The following ADGRG1 variants were observed in gnomAD, a reference collection of about 807,000 sequenced individuals.
ADGRG1 encodes the protein 7-transmembrane protein with no EGF-like N-terminal domains-1.
A neutral mutation model predicts 73.5 loss-of-function variants in ADGRG1; 53 were observed. The observed-to-expected ratio is 0.72, with a 90% CI of 0.58 to 0.91. The LOEUF is 0.91. Among genes scored for constraint, ADGRG1 ranks in the 40% least tolerant of loss-of-function variants. The pLI, the probability that ADGRG1 is intolerant of heterozygous loss-of-function variation, is 0.00. For missense variants in ADGRG1, 795 were observed against 871.8 expected, an observed-to-expected ratio of 0.91 and a Z score of 1.11; for synonymous variants, 394 against 374.4, an observed-to-expected ratio of 1.05 and a Z score of -0.60.
At chr16:57,629,932 A>G in intron 1 of ADGRG1, 7 of 819,236 alleles carry the variant, frequency 8.5e-6, no homozygotes, top group Non-Finnish European at 1.0e-5. Flanking sequence ...CTGCGTAGGG[A>G]GGAGGGGATG....
At chr16:57,650,970 A>G (rs1019589339) in intron 2 of ADGRG1, 5 of 649,594 alleles carry the variant, frequency 7.7e-6, no homozygotes, top group Non-Finnish European at 9.6e-6. Flanking sequence ...AGCCTCCCAA[A>G]GTGCTGGGAT....
upstream of ADGRG1, among the ~76,000 whole-genome samples, chr16:57,624,565 G>C (rs1308221377): frequency 7.2e-5 from 11 of 152,158 alleles, no homozygotes; most frequent in Admixed American, 1.3e-4. Context: ...GCACAGGTGG[G>C]GACAGCTCTT....
intron 1 of ADGRG1, chr16:57,633,665 G>C (rs11645880): frequency 4.2e-6 from 1 of 238,378 alleles, no homozygotes; most frequent in Non-Finnish European, 6.8e-6. Context: ...GCTGGTAATG[G>C]CATCCTGAGA....
intron 1 of ADGRG1, chr16:57,637,732 G>A (rs1225903114): frequency 1.2e-5 from 12 of 983,516 alleles, no homozygotes; most frequent in African/African-American, 1.7e-5. Flanking sequence ...TCTGCTCCAC[G>A]GAGGGGCGGG....
Position 57,631,745 on chromosome 16 carries a change from C to T in ADGRG1, c.-36+2943C>T, listed in dbSNP as rs372056063. 2.1e-4 allele frequency: 210 copies of T among 985,508 alleles called. 2 individuals are homozygous for T. The African/African-American group carries it at 2.9e-3, about 13-fold the overall frequency. The allele number at this position is 985,508 out of a possible 1,614,324, so 61.0% of individuals were successfully genotyped here. On this transcript the variant is annotated intron_variant, in intron 1 of 13. Coordinates refer to ENST00000562631, the MANE Select transcript of ADGRG1 (RefSeq NM_201525.4). ...CAAACCGGGTGGGGCGGGGCTGTGGCACGGCCTCAGCCTCCCAGGCCTCCT... is the reference window on the plus strand; with the variant it reads ...CAAACCGGGTGGGGCGGGGCTGTGGTACGGCCTCAGCCTCCCAGGCCTCCT...
At chr16:57,662,999 T>G in intron 13 of ADGRG1, 1 of 985,068 alleles carries the variant, frequency 1.0e-6, no homozygotes, top group Non-Finnish European at 1.2e-6. Context: ...GCCTGTGAGA[T>G]GAGGGGACTC....
intron 1 of ADGRG1, chr16:57,644,251 T>G: frequency 1.1e-6 from 1 of 895,996 alleles, no homozygotes; most frequent in Non-Finnish European, 1.3e-6. Flanking sequence ...TGCACACACA[T>G]GCACAGTCAT....
At chr16:57,641,574 T>TG (rs1423467265) in intron 1 of ADGRG1, 1 of 984,230 alleles carries the variant, frequency 1.0e-6, no homozygotes, top group Non-Finnish European at 1.2e-6. Context: ...CCTTTTTTTT[T>TG]TTTTTTTTTG....
In ADGRG1 at chr16:57,651,514, G is replaced by A. The variant is rs772434596; in HGVS notation, c.379G>A (p.Glu127Lys). The change falls in exon 3 of 14, where the codon GAG (glutamate) becomes AAG (lysine). Residue 127 changes from glutamate to lysine, a missense_variant. By Grantham distance (56) the Glu-to-Lys change is moderately conservative. Coordinates refer to ENST00000562631, the MANE Select transcript of ADGRG1 (RefSeq NM_201525.4). ...SSLLCFQHQE[E>K]SLAQGPPLLA... Reference sequence around the variant, plus strand: ...CCTCCTCTGCTTCCAGCACCAGGAGGAGAGCCTGGCTCAGGGCCCCCCGCT... The same window carrying A: ...CCTCCTCTGCTTCCAGCACCAGGAGAAGAGCCTGGCTCAGGGCCCCCCGCT... The A allele has an allele frequency of 6.2e-7, 1 of 1,614,096 alleles. No individual in the cohort carries two copies. Among genetic ancestry groups the A allele is most frequent in the Non-Finnish European group, 8.5e-7 (1 of 1,180,044 alleles).
chr16:57,642,541 G>C (rs1310189967), intron 1 of ADGRG1: 1 of 971,538 alleles, frequency 1.0e-6, no homozygotes, highest in Admixed American at 6.2e-5. Context: ...ACGTTGGGTT[G>C]GGAAACTGCC....
At chr16:57,628,043 A>G, upstream of ADGRG1, 1 of 971,560 alleles carries the variant, frequency 1.0e-6, no homozygotes, top group South Asian at 4.9e-5. Flanking sequence ...CTTGAGGAGC[A>G]CTGAGAGGGG....
Position 57,653,220 on chromosome 16 carries a change from G to A in ADGRG1, c.505G>A (p.Ala169Thr), listed in dbSNP as rs573149256. 22 of 1,610,326 alleles carry A rather than the reference G, an allele frequency of 1.4e-5. No homozygotes were observed. Among genetic ancestry groups the A allele is most frequent in the African/African-American group, 1.1e-4 (8 of 74,882 alleles). The change falls in exon 4 of 14, where the codon GCT becomes ACT. Residue 169 changes from alanine (A) to threonine (T), a missense_variant. By Grantham distance (58) the Ala-to-Thr change is moderately conservative. Transcript: ENST00000562631. Reference sequence around the variant, plus strand: ...TCCCCCAGGTCCTCCCCACACGGCCGCTCACAATGCCTCGGTGGACATGTG... The same window carrying A: ...TCCCCCAGGTCCTCCCCACACGGCCACTCACAATGCCTCGGTGGACATGTG... ...FSFHSPPHTA[A>T]HNASVDMCEL...
chr16:57,650,504 CTTCT>C, intron 2 of ADGRG1, 153 bp downstream of exon 2: 1 of 1,412,690 alleles, frequency 7.1e-7, no homozygotes, highest in Non-Finnish European at 9.7e-7. Context: ...ACACTCCTTC[CTTCT>C]GGCAGGTGCA....
At chr16:57,645,580 C>A (rs1400750906) in intron 1 of ADGRG1, among the ~76,000 whole-genome samples, 4 of 152,232 alleles carry the variant, frequency 2.6e-5, no homozygotes, top group African/African-American at 9.6e-5. Context: ...CAGTCCCTCC[C>A]CTCTCTGACC....
rs1034080408 is a variant in ADGRG1 at position 57,633,615 on chromosome 16, T to C, written c.-36+4813T>C. On this transcript the variant is annotated intron_variant, in intron 1 of 13. Transcript: ENST00000562631. ...GCTGTGTGGCCTGGGACAGGTATAT[T>C]AACCTCTCTGTGCCTCGTCTTCCTA... 1.3e-5 allele frequency: 7 copies of C among 555,154 alleles called. No individual in the cohort carries two copies. The South Asian group carries it at 5.5e-4, about 44-fold the overall frequency. 34.4% of individuals were successfully genotyped at this position (555,154 alleles called of 1,614,324 possible).
chr16:57,637,478 C>G, intron 1 of ADGRG1: 1 of 985,360 alleles, frequency 1.0e-6, no homozygotes, highest in Non-Finnish European at 1.2e-6. Context: ...CCCCAGGTCC[C>G]CTGAACCACA....
At chr16:57,654,434 T>TC (rs1555551096) in intron 5 of ADGRG1, among the ~76,000 whole-genome samples, 1 of 142,558 alleles carries the variant, frequency 7.0e-6, no homozygotes, top group Non-Finnish European at 1.5e-5. Flanking sequence ...TTTTTTTTTT[T>TC]CGAGACAGGG....
chr16:57,621,323 C>T (rs1596880581), intron 1 of ADGRG1: 1 of 152,072 alleles, frequency 6.6e-6, no homozygotes, highest in East Asian at 1.9e-4. Context: ...GCTCCGTGGG[C>T]TTTCCACAAA....
At chr16:57,655,314 GAT>G in intron 5 of ADGRG1, 83 bp from the exon 6 acceptor site, 1 of 1,558,512 alleles carries the variant, frequency 6.4e-7, no homozygotes, top group South Asian at 1.1e-5. Flanking sequence ...TCCAGGAACG[GAT>G]GGGTGTGTGT....
Sources: gnomAD v4.1 joint callset for allele counts (sites outside exome capture counted in the v4.1 genomes callset) on GRCh38, gnomAD v4.1.1 for gene constraint, MANE v1.5 for transcripts, NCBI Gene and HGNC (gene_info 2026-07-23, HGNC 2026-07-21) for gene names.